The following SRGAP1 variants were observed in gnomAD, a reference collection of about 807,000 sequenced individuals.
SRGAP1 encodes the protein SLIT-ROBO Rho GTPase-activating protein 1.
A neutral mutation model predicts 121.9 loss-of-function variants in SRGAP1; 43 were observed. The ratio of observed to expected loss-of-function variants is 0.35; its 90% CI spans 0.28 to 0.46. The LOEUF is 0.46. Among genes scored for constraint, SRGAP1 ranks in the 20% least tolerant of loss-of-function variants. The probability of loss-of-function intolerance (pLI) is 1.00; values close to 1 mark genes in which losing one functional copy is unlikely to be tolerated. For missense variants in SRGAP1, 1,102 were observed against 1,350.9 expected (o/e 0.82, Z 2.89); for synonymous variants, 447 against 485.4 (o/e 0.92, Z 1.04).
chr12:64,114,367 G>T (rs2136620100), intron 17 of SRGAP1, among the ~76,000 whole-genome samples: 1 of 119,776 alleles, frequency 8.3e-6, no homozygotes, highest in East Asian at 2.7e-4. Flanking sequence ...TGGAGACAGA[G>T]TTTCACTCTG....
chr12:63,851,890 C>T (rs1464885871), intron 1 of SRGAP1, among the ~76,000 whole-genome samples: 2 of 151,980 alleles, frequency 1.3e-5, no homozygotes, highest in African/African-American at 4.8e-5. Context: ...TGTGAGATTG[C>T]AGTGAGGAAA....
At chr12:63,923,342 T>A (rs1055379797) in intron 1 of SRGAP1, among the ~76,000 whole-genome samples, 1 of 152,218 alleles carries the variant, frequency 6.6e-6, no homozygotes, top group Non-Finnish European at 1.5e-5. Context: ...ATAACGGCCG[T>A]ACTTACAACA....
At chr12:63,998,421 C>T (rs1238946447) in intron 3 of SRGAP1, among the ~76,000 whole-genome samples, 1 of 152,132 alleles carries the variant, frequency 6.6e-6, no homozygotes, top group African/African-American at 2.4e-5. Flanking sequence ...AGTAACCTAC[C>T]TTCACAGGTC....
chr12:64,111,163 A>G (rs2036424936), intron 16 of SRGAP1, among the ~76,000 whole-genome samples: 1 of 152,124 alleles, frequency 6.6e-6, no homozygotes, highest in South Asian at 2.1e-4. Flanking sequence ...AGAATAAGAG[A>G]ACTGAGGATT....
Position 63,953,718 on chromosome 12 carries a change from A to G in SRGAP1, c.68-30229A>G, listed in dbSNP as rs528678489. 9.9e-5 allele frequency among the ~76,000 whole-genome samples: 15 copies of G among 152,130 alleles called. No individual in the cohort carries two copies. In the South Asian group the frequency reaches 2.9e-3, roughly 30 times the overall value. On this transcript the variant is annotated intron_variant, in intron 1 of 21. Coordinates refer to ENST00000355086, the MANE Select transcript of SRGAP1 (RefSeq NM_020762.4). ...CACCTTGCCCACTGCCCATGATTCC[A>G]TCATCTGGAAGAGTATGAAGTATAA... is the stretch of plus-strand genomic sequence containing the variant.
intron 1 of SRGAP1, among the ~76,000 whole-genome samples, chr12:63,955,999 T>G (rs1175964717): frequency 1.3e-5 from 2 of 152,194 alleles, no homozygotes; most frequent in Non-Finnish European, 2.9e-5. Context: ...ACTGAGCTAC[T>G]GATTGTGCAA....
At chr12:63,971,534 A>G (rs1230188059) in intron 1 of SRGAP1, among the ~76,000 whole-genome samples, 1 of 152,224 alleles carries the variant, frequency 6.6e-6, no homozygotes, top group African/African-American at 2.4e-5. Flanking sequence ...GTGCAGGACT[A>G]GAAGTATACT....
At chr12:64,044,994 A>G (rs1223423387) in intron 6 of SRGAP1, among the ~76,000 whole-genome samples, 4 of 151,334 alleles carry the variant, frequency 2.6e-5, no homozygotes, top group East Asian at 1.9e-4. Context: ...ACCTCACCCA[A>G]CCTCTGATGT....
intron 4 of SRGAP1, among the ~76,000 whole-genome samples, chr12:64,036,430 G>A (rs1297846080): frequency 1.3e-5 from 2 of 152,280 alleles, no homozygotes; most frequent in East Asian, 3.9e-4. Flanking sequence ...CTTATGTATT[G>A]ATTGTAGAAA....
intron 2 of SRGAP1, among the ~76,000 whole-genome samples, chr12:63,987,302 A>G (rs2033443875): frequency 6.6e-6 from 1 of 152,222 alleles, no homozygotes; most frequent in African/African-American, 2.4e-5. Context: ...TAAAGATGCC[A>G]CTGCATAGTG....
chr12:64,109,006 G>A lies in SRGAP1; in HGVS notation c.1888G>A (p.Val630Met). The change falls in exon 16 of 22, where the codon GTG becomes ATG. Residue 630 changes from valine (V) to methionine (M), a missense_variant. Physicochemically the swap from Val to Met is conservative, Grantham distance 21. Around this residue, in one of 3 missense-constraint regions of SRGAP1, gnomAD observed 747 missense variants for 929.4 expected, o/e 0.80. Coordinates refer to ENST00000355086, the MANE Select transcript of SRGAP1 (RefSeq NM_020762.4). ...GACTTTGCCCAGGTCGGTCCTTATA[G>A]TGATGAGGTACCTCTTTGCCTTCCT... Reference protein sequence around the residue: ...LLTLPRSVLIVMRYLFAFLNH... With the variant: ...LLTLPRSVLIMMRYLFAFLNH... 6.3e-7 allele frequency: 1 copy of A among 1,587,720 alleles called. No homozygotes were observed. The highest frequency in any genetic ancestry group is 1.2e-5 in the South Asian group (1 of 86,712).
At chr12:63,868,644 G>A (rs779211504) in intron 1 of SRGAP1, among the ~76,000 whole-genome samples, 1 of 152,184 alleles carries the variant, frequency 6.6e-6, no homozygotes, top group African/African-American at 2.4e-5. Flanking sequence ...GTACAGCCAT[G>A]AGCCACTGCG....
At chr12:63,966,824 G>A (rs2032802820) in intron 1 of SRGAP1, among the ~76,000 whole-genome samples, 1 of 152,172 alleles carries the variant, frequency 6.6e-6, no homozygotes, top group South Asian at 2.1e-4. Context: ...CTCCCCTTCT[G>A]TAATGGGTAA....
chr12:64,024,666 G>T (rs1295489911), intron 4 of SRGAP1, among the ~76,000 whole-genome samples: 1 of 152,170 alleles, frequency 6.6e-6, no homozygotes, highest in Non-Finnish European at 1.5e-5. Flanking sequence ...CTGCAATGAA[G>T]AAATACCTGA....
At chr12:63,873,407 C>G (rs1899919624) in intron 1 of SRGAP1, among the ~76,000 whole-genome samples, 1 of 151,694 alleles carries the variant, frequency 6.6e-6, no homozygotes, top group Non-Finnish European at 1.5e-5. Context: ...GTGGCGCATG[C>G]CTGTAATCCC....
In SRGAP1 at chr12:64,117,750, T is replaced by C. The variant is rs895905744; in HGVS notation, c.2224+1857T>C. Among the ~76,000 whole-genome samples the C allele has an allele frequency of 1.1e-4, 17 of 152,186 alleles. No individual in the cohort carries two copies. In the East Asian group the frequency reaches 2.3e-3, roughly 21 times the overall value. Reference sequence around the variant, plus strand: ...AACTTTATTCTCGCTTATTAGTAACTTCCCATTTCCCGCTTCCCCCAGCCT... The same window carrying C: ...AACTTTATTCTCGCTTATTAGTAACCTCCCATTTCCCGCTTCCCCCAGCCT... On this transcript the variant is annotated intron_variant, in intron 18 of 21. Transcript: ENST00000355086.
chr12:63,999,602 G>C (rs573444748), intron 3 of SRGAP1, among the ~76,000 whole-genome samples: 1 of 152,224 alleles, frequency 6.6e-6, no homozygotes, highest in East Asian at 1.9e-4. Context: ...TGACACCCAG[G>C]CTTGGGCAGT....
At chr12:63,954,677 C>CAAAAAAAAAAAAAAAAAAAAAAAAA (rs60508657) in intron 1 of SRGAP1, among the ~76,000 whole-genome samples, 1 of 104,614 alleles carries the variant, frequency 9.6e-6, no homozygotes, top group African/African-American at 3.6e-5. Context: ...GACTCCATCT[C>CAAAAAAAAAAAAAAAAAAAAAAAAA]AAAAAAAAAA....
At chr12:64,036,093 A>G (rs905565756) in intron 4 of SRGAP1, among the ~76,000 whole-genome samples, 1 of 152,200 alleles carries the variant, frequency 6.6e-6, no homozygotes, top group African/African-American at 2.4e-5. Context: ...TTGGCCAGGT[A>G]TACTAAAGAG....
Sources: gnomAD v4.1 joint callset for allele counts (sites outside exome capture counted in the v4.1 genomes callset) on GRCh38, gnomAD v4.1.1 for gene constraint, gnomAD v4.1.1 regional missense constraint, MANE v1.5 for transcripts, NCBI Gene and HGNC (gene_info 2026-07-23, HGNC 2026-07-21) for gene names.